DPP6: variants seen among roughly 807,000 people sequenced by gnomAD.
DPP6 encodes the protein dipeptidyl peptidase like 6.
In DPP6, 69 loss-of-function variants were observed where a neutral mutation model predicts 122.6. The observed-to-expected ratio is 0.56, with a 90% CI of 0.46 to 0.69. The LOEUF (loss-of-function observed/expected upper bound fraction) is 0.69, where lower values mean the gene tolerates loss of function less well. Ranked by LOEUF, DPP6 falls within the 30% of genes least tolerant of loss-of-function variation. The probability of loss-of-function intolerance (pLI) is 0.00; values close to 1 mark genes in which losing one functional copy is unlikely to be tolerated. For missense variants in DPP6, 928 were observed against 1,116.9 expected (o/e 0.83, Z 2.41); for synonymous variants, 418 against 433.1 (o/e 0.97, Z 0.43).
intron 1 of DPP6, among the ~76,000 whole-genome samples, chr7:154,247,592 G>A (rs1157679627): frequency 6.6e-6 from 1 of 151,874 alleles, no homozygotes; most frequent in Non-Finnish European, 1.5e-5. Context: ...CAAAAAGGTT[G>A]ACAGCACCAA....
intron 6 of DPP6, 124 bp downstream of exon 6, chr7:154,637,997 C>T: frequency 9.1e-7 from 1 of 1,096,090 alleles, no homozygotes. Context: ...GCCAAGGGTG[C>T]TGGTATCGTG....
At chr7:154,176,045 G>C (rs1263579126) in intron 1 of DPP6, among the ~76,000 whole-genome samples, 1 of 152,150 alleles carries the variant, frequency 6.6e-6, no homozygotes, top group South Asian at 2.1e-4. Flanking sequence ...TATGTGCAGG[G>C]TCCCCAGCTG....
intron 1 of DPP6, among the ~76,000 whole-genome samples, chr7:153,928,500 C>A (rs1459644473): frequency 6.9e-6 from 1 of 145,538 alleles, no homozygotes; most frequent in Non-Finnish European, 1.5e-5. Flanking sequence ...CCTCAGCCTC[C>A]CAAAGCACTG....
chr7:154,762,862 C>T (rs1587064985), intron 8 of DPP6, among the ~76,000 whole-genome samples: 1 of 152,228 alleles, frequency 6.6e-6, no homozygotes, highest in Non-Finnish European at 1.5e-5. Context: ...ATCCAGGCAA[C>T]AGGAGGCTCC....
chr7:154,061,371 A>T (rs1801844410), intron 1 of DPP6, among the ~76,000 whole-genome samples: 1 of 147,370 alleles, frequency 6.8e-6, no homozygotes, highest in Admixed American at 6.7e-5. Flanking sequence ...GAGAGAAAAG[A>T]TGGCAGCTGG....
chr7:154,365,781 AC>A (rs1227490793), intron 1 of DPP6, among the ~76,000 whole-genome samples: 1 of 151,852 alleles, frequency 6.6e-6, no homozygotes. Flanking sequence ...CCACGGTGAA[AC>A]CCCGTCTCTA....
intron 2 of DPP6, among the ~76,000 whole-genome samples, chr7:154,459,604 C>CA (rs1472043185): frequency 6.6e-6 from 1 of 151,766 alleles, no homozygotes; most frequent in African/African-American, 2.4e-5. Context: ...CCGAGGCAGG[C>CA]AGATCACCTG....
At chr7:154,784,240 C>A (rs1797201747) in intron 10 of DPP6, among the ~76,000 whole-genome samples, 1 of 152,110 alleles carries the variant, frequency 6.6e-6, no homozygotes, top group Non-Finnish European at 1.5e-5. Context: ...ACACGCCATT[C>A]TCCTGGGACA....
chr7:154,516,202 G>A (rs1035783312), intron 3 of DPP6, among the ~76,000 whole-genome samples: 2 of 151,742 alleles, frequency 1.3e-5, no homozygotes, highest in Non-Finnish European at 2.9e-5. Context: ...CTTCCTGGAA[G>A]GGTGTTTTCC....
intron 10 of DPP6, among the ~76,000 whole-genome samples, chr7:154,781,517 A>G (rs868672410): frequency 3.3e-5 from 5 of 152,152 alleles, no homozygotes; most frequent in Non-Finnish European, 5.9e-5. Context: ...ATTTGTCTTA[A>G]GTCGTCACTT....
chr7:154,861,384 T>G (rs1803385086), intron 17 of DPP6, among the ~76,000 whole-genome samples: 1 of 152,222 alleles, frequency 6.6e-6, no homozygotes, highest in African/African-American at 2.4e-5. Flanking sequence ...TCCTATGATA[T>G]CTAAGTATTG....
At chr7:154,198,943 G>A (rs957097990) in intron 1 of DPP6, among the ~76,000 whole-genome samples, 1 of 151,696 alleles carries the variant, frequency 6.6e-6, no homozygotes, top group Admixed American at 6.6e-5. Flanking sequence ...TATAGCCCAT[G>A]AACACAATCA....
chr7:154,035,340 C>G (rs1799465627), intron 1 of DPP6, among the ~76,000 whole-genome samples: 1 of 152,198 alleles, frequency 6.6e-6, no homozygotes, highest in Non-Finnish European at 1.5e-5. Context: ...AATTCATCAT[C>G]TTTCATATAT....
At chr7:154,546,672 ATT>A (rs1829224483) in intron 4 of DPP6, among the ~76,000 whole-genome samples, 1 of 152,180 alleles carries the variant, frequency 6.6e-6, no homozygotes, top group East Asian at 1.9e-4. Flanking sequence ...TAGATGTAGA[ATT>A]TGAATTTTTA....
chr7:154,128,306 A>G (rs540385921), intron 1 of DPP6, among the ~76,000 whole-genome samples: 6 of 152,278 alleles, frequency 3.9e-5, no homozygotes, highest in Admixed American at 3.3e-4. Flanking sequence ...AAGGCTAGAC[A>G]TGGTGGCTCA....
intron 1 of DPP6, among the ~76,000 whole-genome samples, chr7:154,169,590 A>T (rs1797432176): frequency 6.6e-6 from 1 of 152,214 alleles, no homozygotes; most frequent in South Asian, 2.1e-4. Context: ...AAATGAATTA[A>T]TGCATTAGAG....
chr7:154,805,682 G>GT (rs535866479), intron 15 of DPP6, among the ~76,000 whole-genome samples: 10 of 152,014 alleles, frequency 6.6e-5, no homozygotes, highest in Non-Finnish European at 1.3e-4. Flanking sequence ...AGGGGGACTG[G>GT]TTTTTTTTCT....
the DPP6 span, among the ~76,000 whole-genome samples, chr7:153,769,690 C>A: frequency 6.6e-6 from 1 of 152,112 alleles, no homozygotes; most frequent in Non-Finnish European, 1.5e-5. Context: ...GGGTTACACC[C>A]AACTTTAAAA....
At chr7:154,307,101 T>C (rs569015778) in intron 1 of DPP6, among the ~76,000 whole-genome samples, 1 of 152,156 alleles carries the variant, frequency 6.6e-6, no homozygotes, top group South Asian at 2.1e-4. Flanking sequence ...CTACACCCGA[T>C]ACACCCAAGG....
Sources: allele counts gnomAD v4.1 joint callset (sites outside exome capture counted in the v4.1 genomes callset), GRCh38; gene constraint gnomAD v4.1.1; transcripts MANE v1.5; gene names NCBI Gene and HGNC (gene_info 2026-07-23, HGNC 2026-07-21).